TMEM217: variants seen among roughly 807,000 people sequenced by gnomAD.
The protein encoded by TMEM217 is transmembrane protein 217, also known as chromosome 6 open reading frame 128.
For synonymous variants in TMEM217, 76 were observed against 88.3 expected (o/e 0.86, Z 0.78); for missense variants, 204 against 248.8 (o/e 0.82, Z 1.21).
chr6:37,242,321 C>A (rs530827872), intron 1 of TMEM217, among the ~76,000 whole-genome samples: 2 of 152,214 alleles, frequency 1.3e-5, no homozygotes, highest in East Asian at 1.9e-4. Flanking sequence ...TCTATTCCCC[C>A]CAAGGGAAGG....
chr6:37,249,301 C>A (rs1177391877), intron 1 of TMEM217, among the ~76,000 whole-genome samples: 1 of 151,822 alleles, frequency 6.6e-6, no homozygotes, highest in Non-Finnish European at 1.5e-5. Context: ...TATTTCTTTT[C>A]ATTCTTCTTC....
At chr6:37,212,825 C>T (rs1363979205), downstream of TMEM217, 2 of 962,118 alleles carry the variant, frequency 2.1e-6, no homozygotes, top group Non-Finnish European at 3.3e-6. Context: ...GTCCAAGTGA[C>T]TAGCTCCGAC....
At chr6:37,216,240 G>A (rs771743213), downstream of TMEM217, among the ~76,000 whole-genome samples, 7 of 151,908 alleles carry the variant, frequency 4.6e-5, no homozygotes, top group East Asian at 5.8e-4. Context: ...CACTATACCC[G>A]CCTAATTTTG....
chr6:37,217,757 C>G, exon 2 of TMEM217: 1 of 985,404 alleles, frequency 1.0e-6, no homozygotes, highest in African/African-American at 1.7e-5. Context: ...CTGCAAAAAT[C>G]TGGTATAAAT....
chr6:37,217,895 T>C, exon 2 of TMEM217: 4 of 985,756 alleles, frequency 4.1e-6, no homozygotes, highest in Non-Finnish European at 3.6e-6. Flanking sequence ...ACCAATCAGG[T>C]GGTAGAAAGG....
chr6:37,243,855 C>G lies in TMEM217; in HGVS notation c.-12+13713G>C, dbSNP rs549095755. 6.6e-5 allele frequency among the ~76,000 whole-genome samples: 10 copies of G among 152,250 alleles called. No homozygotes were observed. In the South Asian group the frequency reaches 1.7e-3, roughly 25 times the overall value. On this transcript the variant is annotated intron_variant, in intron 1 of 1. Transcript: ENST00000357219. ...TGCCATCATAAGGATGTGGAAAACT[C>G]CTTGTGTGCTGAGTCTGCCTCTGGA...
At chr6:37,257,022 G>A (rs554326778) in intron 1 of TMEM217, among the ~76,000 whole-genome samples, 4 of 152,338 alleles carry the variant, frequency 2.6e-5, no homozygotes, top group Non-Finnish European at 5.9e-5. Context: ...GTGGGGCCGG[G>A]AGGAGATACA....
intron 1 of TMEM217, among the ~76,000 whole-genome samples, chr6:37,237,105 A>G (rs1369758219): frequency 6.6e-6 from 1 of 152,178 alleles, no homozygotes; most frequent in Non-Finnish European, 1.5e-5. Flanking sequence ...CCTGGACACT[A>G]TTCTTTAGAA....
exon 1 of TMEM217, chr6:37,257,975 T>G (rs1583509915): frequency 6.2e-7 from 1 of 1,613,706 alleles, no homozygotes; most frequent in Non-Finnish European, 8.5e-7. Flanking sequence ...GCCGGGGAGG[T>G]GAGCCCAGGA....
chr6:37,243,645 C>A (rs1764905233), intron 1 of TMEM217, among the ~76,000 whole-genome samples: 1 of 152,172 alleles, frequency 6.6e-6, no homozygotes. Flanking sequence ...GTTGCCCAGG[C>A]TGGAGTGCAA....
intron 1 of TMEM217, among the ~76,000 whole-genome samples, chr6:37,225,684 A>C (rs890661076): frequency 6.6e-6 from 1 of 152,220 alleles, no homozygotes; most frequent in African/African-American, 2.4e-5. Flanking sequence ...AAAGACTGAT[A>C]ATTGTCTCCC....
downstream of TMEM217, chr6:37,212,938 C>G (rs965846987): frequency 2.6e-6 from 4 of 1,550,076 alleles, no homozygotes; most frequent in African/African-American, 5.5e-5. Flanking sequence ...AGAGAAGATG[C>G]CCACCATGAG....
chr6:37,215,393 G>T (rs1763129606), downstream of TMEM217: 1 of 1,285,300 alleles, frequency 7.8e-7, no homozygotes, highest in Non-Finnish European at 1.0e-6. Context: ...TAGCCAACAT[G>T]GTGAAACCCC....
At chr6:37,227,551 A>G (rs1025991159) in intron 1 of TMEM217, among the ~76,000 whole-genome samples, 1 of 152,200 alleles carries the variant, frequency 6.6e-6, no homozygotes, top group East Asian at 1.9e-4. Context: ...GATTCAAGCA[A>G]TTCTCCTGCC....
In TMEM217 at chr6:37,224,652, C is replaced by T. The variant is rs543721682; in HGVS notation, c.-11-5611G>A. ...TTTTATTTTTGGAGAGACAGCATCT[C>T]GCCATGTTACCCAGGCTGGTCTCAA... On this transcript the variant is annotated intron_variant, in intron 1 of 1. Transcript: ENST00000357219. 4.0e-5 allele frequency among the ~76,000 whole-genome samples: 6 copies of T among 151,780 alleles called. No homozygotes were observed. In the South Asian group the frequency reaches 8.3e-4, roughly 21 times the overall value.
At chr6:37,255,944 C>T (rs1292374483) in intron 1 of TMEM217, among the ~76,000 whole-genome samples, 1 of 152,146 alleles carries the variant, frequency 6.6e-6, no homozygotes, top group Non-Finnish European at 1.5e-5. Context: ...GTAGAAATAA[C>T]AGGGCTTTTC....
chr6:37,239,315 C>A (rs1764645194), intron 1 of TMEM217, among the ~76,000 whole-genome samples: 1 of 151,838 alleles, frequency 6.6e-6, no homozygotes, highest in Non-Finnish European at 1.5e-5. Context: ...ATGGCAAAAA[C>A]CCATCTCTAC....
chr6:37,249,801 G>A (rs1441963649), intron 1 of TMEM217, among the ~76,000 whole-genome samples: 1 of 152,216 alleles, frequency 6.6e-6, no homozygotes, highest in Non-Finnish European at 1.5e-5. Context: ...CATGTGGTTG[G>A]AAGTGTAAAG....
chr6:37,213,115 A>G, downstream of TMEM217: 2 of 707,736 alleles, frequency 2.8e-6, no homozygotes, highest in South Asian at 3.8e-5. Flanking sequence ...GTGGACAGGC[A>G]ATAGGCTGGA....
Sources: gnomAD v4.1 joint callset for allele counts (sites outside exome capture counted in the v4.1 genomes callset) on GRCh38, gnomAD v4.1.1 for gene constraint, MANE v1.5 for transcripts, NCBI Gene and HGNC (gene_info 2026-07-23, HGNC 2026-07-21) for gene names.